OLFM1: variants seen among roughly 807,000 people sequenced by gnomAD.
OLFM1 encodes noelin.
Under a neutral mutation model 49.7 loss-of-function variants are expected in OLFM1, and 9 were observed. The observed-to-expected ratio is 0.18, with a 90% CI of 0.11 to 0.32. The LOEUF (loss-of-function observed/expected upper bound fraction) is 0.32. Ranked by LOEUF, OLFM1 falls within the 10% of genes least tolerant of loss-of-function variation. The pLI is 1.00. For missense variants in OLFM1, 369 were observed against 661.8 expected, an observed-to-expected ratio of 0.56 and a Z score of 4.85; for synonymous variants, 240 against 271.8, an observed-to-expected ratio of 0.88 and a Z score of 1.15.
At chr9:135,078,296 A>G (rs1007079391) in intron 1 of OLFM1, among the ~76,000 whole-genome samples, 9 of 152,188 alleles carry the variant, frequency 5.9e-5, no homozygotes, top group African/African-American at 2.2e-4. Flanking sequence ...CAAGGGATGG[A>G]CATGCGATTC....
intron 5 of OLFM1, among the ~76,000 whole-genome samples, chr9:135,115,346 C>G (rs1831083090): frequency 6.6e-6 from 1 of 152,216 alleles, no homozygotes; most frequent in South Asian, 2.1e-4. Context: ...GGCCCCACTT[C>G]CCCAGCACAG....
chr9:135,077,038 C>T, intron 1 of OLFM1: 1 of 1,540,484 alleles, frequency 6.5e-7, no homozygotes, highest in Non-Finnish European at 8.7e-7. Context: ...ATCAGCCAGT[C>T]CCTCCTGGAG....
intron 5 of OLFM1, among the ~76,000 whole-genome samples, chr9:135,116,039 C>G (rs779716751): frequency 6.6e-6 from 1 of 152,192 alleles, no homozygotes; most frequent in African/African-American, 2.4e-5. Flanking sequence ...AAAGCCGGTA[C>G]TGTATTTGGG....
chr9:135,087,212 C>T (rs181322204), upstream of OLFM1: 3 of 1,398,164 alleles, frequency 2.1e-6, no homozygotes, highest in East Asian at 5.7e-5. Flanking sequence ...TCGGAGCCTG[C>T]CCTGCCTGCT....
chr9:135,104,872 G>A (rs1035407073), intron 4 of OLFM1, among the ~76,000 whole-genome samples: 4 of 152,204 alleles, frequency 2.6e-5, no homozygotes, highest in African/African-American at 7.2e-5. Context: ...CTCCGCCAGC[G>A]AGTTGCACTG....
upstream of OLFM1, chr9:135,087,640 G>A (rs1830616008): frequency 1.8e-6 from 1 of 570,854 alleles, no homozygotes; most frequent in Non-Finnish European, 2.5e-6. Context: ...CCCGGCCGCG[G>A]CCCCCGCGCG....
Position 135,076,565 on chromosome 9 carries a change from C to A in OLFM1, c.96+763C>A. The stretch of plus-strand genomic sequence containing the variant: ...GGGGAGGAGAAGGGCTGTCTGTGAG[C>A]GCCGAACTGGGAGGGTTGCTTTGGC... On this transcript the variant is annotated intron_variant, in intron 1 of 5. Transcript: ENST00000252854. 2.7e-6 allele frequency: 3 copies of A among 1,093,900 alleles called. No homozygotes were observed. In the South Asian group the frequency reaches 5.3e-5, roughly 19 times the overall value. 67.8% of individuals were successfully genotyped at this position (1,093,900 alleles called of 1,614,324 possible).
chr9:135,098,750 T>C lies in OLFM1; in HGVS notation c.676+245T>C, dbSNP rs1409930583. On this transcript the variant is annotated intron_variant, in intron 4 of 5. Coordinates refer to ENST00000371793, the MANE Select transcript of OLFM1 (RefSeq NM_001282611.2). This position sits in a 1 kb window ranked among gnomAD's most constrained non-coding sequence, Gnocchi z 5.6. ...CACAGACCCCGCTGAGTCGCACATC[T>C]GGAAAAAAATAGCATACCATCTGGC... Among the ~76,000 whole-genome samples the C allele has an allele frequency of 6.6e-6, 1 of 152,058 alleles. No individual in the cohort carries two copies. The highest frequency in any genetic ancestry group is 1.9e-4 in the East Asian group (1 of 5,174).
intron 2 of OLFM1, chr9:135,095,266 G>A (rs1830772805): frequency 6.6e-6 from 1 of 152,288 alleles, no homozygotes; most frequent in Admixed American, 6.5e-5. Context: ...GGGGTGTGAT[G>A]GATGGCATAG....
At chr9:135,076,188 C>G in intron 1 of OLFM1, 1 of 1,550,344 alleles carries the variant, frequency 6.5e-7, no homozygotes. Context: ...TCAGAGGTGG[C>G]GGGACCTTAG....
Position 135,090,359 on chromosome 9 carries a change from A to T in OLFM1, c.300+15A>T. 2 of 1,596,790 alleles carry T rather than the reference A, an allele frequency of 1.3e-6. No homozygotes were observed. The highest frequency in any genetic ancestry group is 1.7e-6 in the Non-Finnish European group (2 of 1,174,452). On this transcript the variant is annotated intron_variant, in intron 2 of 5. Coordinates refer to ENST00000371793, the MANE Select transcript of OLFM1 (RefSeq NM_001282611.2). ...TACTGGAGAAGGTGAGTCTGCGCAG[A>T]GTGTGTGAGTTTGTATGTGTGTGTG...
chr9:135,075,946 G>T (rs1830459045), intron 1 of OLFM1: 3 of 1,416,784 alleles, frequency 2.1e-6, no homozygotes, highest in East Asian at 5.5e-5. Flanking sequence ...TTGGGGAGGG[G>T]GCCAGGGCGC....
chr9:135,102,569 G>A (rs2119124059), intron 4 of OLFM1, among the ~76,000 whole-genome samples: 1 of 152,360 alleles, frequency 6.6e-6, no homozygotes, highest in South Asian at 2.1e-4. Flanking sequence ...TGCCATGCGA[G>A]GAAGAGGGTC....
intron 5 of OLFM1, among the ~76,000 whole-genome samples, chr9:135,115,262 C>A (rs529819593): frequency 6.6e-6 from 1 of 152,244 alleles, no homozygotes; most frequent in African/African-American, 2.4e-5. Flanking sequence ...TCAGGCCGAG[C>A]CTTCAAACCC....
In OLFM1 at chr9:135,098,425, T is replaced by C. The variant is rs760934116; in HGVS notation, c.596T>C (p.Ile199Thr). 6 of 1,613,728 alleles carry C rather than the reference T, an allele frequency of 3.7e-6. No individual in the cohort carries two copies. The South Asian group carries it at 4.4e-5, about 12-fold the overall frequency. ...TSVLNELQEE[I>T]GAYDYDELQS... ...GTGCTTAACGAGCTGCAAGAGGAAATTGGCGCCTATGACTACGATGAACTT... is the reference window on the plus strand; with the variant it reads ...GTGCTTAACGAGCTGCAAGAGGAAACTGGCGCCTATGACTACGATGAACTT... The change falls in exon 4 of 6, where the codon ATT becomes ACT. Residue 199 changes from isoleucine (I) to threonine (T), a missense_variant. Ile to Thr is a moderately conservative substitution (Grantham distance 89). Transcript: ENST00000371793. This position sits in a 1 kb window ranked among gnomAD's most constrained non-coding sequence, Gnocchi z 5.6.
In OLFM1 at chr9:135,117,593, C is replaced by T. The variant is rs1564281804; in HGVS notation, c.784-1911C>T. Among the ~76,000 whole-genome samples, 2 of 152,224 alleles carry T rather than the reference C, an allele frequency of 1.3e-5. No individual in the cohort carries two copies. The highest frequency in any genetic ancestry group is 4.8e-5 in the African/African-American group (2 of 41,464). On this transcript the variant is annotated intron_variant, in intron 5 of 5. Transcript: ENST00000371793. The surrounding 1 kb of genome is among the most constrained non-coding windows in gnomAD (Gnocchi z 5.5). ...GCTAGGCCAGGTGGCTGTGCCCCTT[C>T]GAAGGCCCCCTTCAGCCCTGGGTTC...
intron 3 of OLFM1, chr9:135,097,900 A>G (rs1588212429): frequency 6.4e-7 from 1 of 1,571,816 alleles, no homozygotes; most frequent in Non-Finnish European, 8.6e-7. Context: ...TTATTTTCCA[A>G]TACTTAGCAC....
chr9:135,076,006 G>C, intron 1 of OLFM1: 1 of 1,439,390 alleles, frequency 6.9e-7, no homozygotes, highest in Non-Finnish European at 9.1e-7. Flanking sequence ...CGGAGACGGC[G>C]CTCCTCCAGC....
At chr9:135,103,573 G>T (rs1299380625) in intron 4 of OLFM1, among the ~76,000 whole-genome samples, 1 of 152,248 alleles carries the variant, frequency 6.6e-6, no homozygotes. Context: ...CTCTGAGCCA[G>T]TGGGGCCCAT....
Sources: gnomAD v4.1 joint callset for allele counts (sites outside exome capture counted in the v4.1 genomes callset) on GRCh38, gnomAD v4.1.1 for gene constraint, Gnocchi (gnomAD v3.1) non-coding constraint, MANE v1.5 for transcripts, NCBI Gene and HGNC (gene_info 2026-07-23, HGNC 2026-07-21) for gene names.